The following LRMDA variants were observed in gnomAD, a reference collection of about 807,000 sequenced individuals.
LRMDA encodes leucine-rich melanocyte differentiation-associated protein.
Under a neutral mutation model 29.8 loss-of-function variants are expected in LRMDA, and 18 were observed. The observed-to-expected ratio is 0.60, with a 90% CI of 0.42 to 0.90. The LOEUF (loss-of-function observed/expected upper bound fraction) is 0.90, where lower values mean the gene tolerates loss of function less well. LRMDA is among the 40% of genes least tolerant of loss of function. The pLI is 0.00. For synonymous variants in LRMDA, 125 were observed against 109.4 expected (o/e 1.14, Z -0.89); for missense variants, 273 against 273.9 (o/e 1.00, Z 0.02).
At chr10:75,845,313 A>G (rs1229982202) in intron 2 of LRMDA, among the ~76,000 whole-genome samples, 1 of 152,158 alleles carries the variant, frequency 6.6e-6, no homozygotes, top group Non-Finnish European at 1.5e-5. Flanking sequence ...ATTAGTGAGC[A>G]TGGTTTGGCA....
At chr10:76,105,236 G>A (rs1259637228) in intron 5 of LRMDA, among the ~76,000 whole-genome samples, 1 of 152,026 alleles carries the variant, frequency 6.6e-6, no homozygotes, top group Non-Finnish European at 1.5e-5. Flanking sequence ...TTTATCATCT[G>A]TCTCTACCTG....
chr10:75,799,581 C>G (rs1036385160), intron 2 of LRMDA, among the ~76,000 whole-genome samples: 1 of 151,188 alleles, frequency 6.6e-6, no homozygotes, highest in East Asian at 1.9e-4. Context: ...GTGGTGCAAT[C>G]TCGGCTCACT....
At chr10:76,113,515 T>C (rs1004210787) in intron 5 of LRMDA, among the ~76,000 whole-genome samples, 1 of 151,542 alleles carries the variant, frequency 6.6e-6, no homozygotes, top group Non-Finnish European at 1.5e-5. Flanking sequence ...CAGAACAGAG[T>C]GTTGGTGAGA....
chr10:76,540,167 C>A (rs55725812), intron 6 of LRMDA, among the ~76,000 whole-genome samples: 59,778 of 150,942 alleles, frequency 0.4, 12,512 homozygotes, highest in African/African-American at 0.5. Flanking sequence ...CACATGCACG[C>A]AAAACATGCA....
chr10:76,363,281 AAGGAAGGAAGGAAGGAAGGG>A (rs1841350724), intron 6 of LRMDA, among the ~76,000 whole-genome samples: 2 of 142,044 alleles, frequency 1.4e-5, no homozygotes, highest in African/African-American at 5.3e-5. Flanking sequence ...GAAGGAAAGG[AAGGAAGGAAGGAAGGAAGGG>A]AGGAAGGGAG....
At chr10:76,162,049 A>G (rs754467395) in intron 5 of LRMDA, among the ~76,000 whole-genome samples, 6 of 152,198 alleles carry the variant, frequency 3.9e-5, no homozygotes, top group Admixed American at 1.3e-4. Flanking sequence ...ATTTCTGACT[A>G]TTACATGTGT....
chr10:75,822,490 G>A (rs1008476346), intron 2 of LRMDA, among the ~76,000 whole-genome samples: 4 of 151,814 alleles, frequency 2.6e-5, no homozygotes, highest in African/African-American at 9.7e-5. Flanking sequence ...ACCAAAAAAA[G>A]CCTGAATAGC....
intron 5 of LRMDA, among the ~76,000 whole-genome samples, chr10:76,249,792 A>G (rs1301429768): frequency 1.3e-5 from 2 of 152,070 alleles, no homozygotes; most frequent in Non-Finnish European, 2.9e-5. Context: ...CAAACCACAA[A>G]TTATTTATTT....
At chr10:76,222,390 C>T (rs2132259531) in intron 5 of LRMDA, among the ~76,000 whole-genome samples, 1 of 152,218 alleles carries the variant, frequency 6.6e-6, no homozygotes, top group East Asian at 1.9e-4. Context: ...GGCTAATATC[C>T]AGAGTCTACA....
chr10:76,110,237 T>G (rs998639708), intron 5 of LRMDA, among the ~76,000 whole-genome samples: 1 of 152,180 alleles, frequency 6.6e-6, no homozygotes, highest in Non-Finnish European at 1.5e-5. Flanking sequence ...CTGTTCCACA[T>G]TCTACCTGCC....
At chr10:76,121,141 G>A (rs1228736779) in intron 5 of LRMDA, among the ~76,000 whole-genome samples, 1 of 152,016 alleles carries the variant, frequency 6.6e-6, no homozygotes, top group Non-Finnish European at 1.5e-5. Flanking sequence ...GGAAATGGGA[G>A]AGACCTATCT....
At chr10:75,928,361 G>A (rs80263347) in intron 2 of LRMDA, among the ~76,000 whole-genome samples, 7,692 of 151,902 alleles carry the variant, frequency 0.051, 259 homozygotes, top group Non-Finnish European at 0.069. Context: ...GCAGGATTGC[G>A]TGATACAATT....
At chr10:75,760,633 G>A (rs1291568191) in intron 2 of LRMDA, among the ~76,000 whole-genome samples, 3 of 152,188 alleles carry the variant, frequency 2.0e-5, no homozygotes, top group Admixed American at 1.3e-4. Flanking sequence ...AGAAAGCTCA[G>A]CAAGGGCAAA....
chr10:76,115,932 C>T (rs17444839), intron 5 of LRMDA, among the ~76,000 whole-genome samples: 25,235 of 152,026 alleles, frequency 0.17, 2,319 homozygotes, highest in Admixed American at 0.24. Context: ...GGAATGGAAA[C>T]GAGGAAGAAT....
intron 2 of LRMDA, among the ~76,000 whole-genome samples, chr10:75,601,873 T>G (rs1840891149): frequency 6.6e-6 from 1 of 152,244 alleles, no homozygotes; most frequent in African/African-American, 2.4e-5. Context: ...GACTTGACCT[T>G]GCTATATCAT....
At chr10:76,512,508 G>A (rs989924110) in intron 6 of LRMDA, among the ~76,000 whole-genome samples, 1 of 152,186 alleles carries the variant, frequency 6.6e-6, no homozygotes, top group Middle Eastern at 3.4e-3. Flanking sequence ...TGATGATGAG[G>A]CAACAGAATA....
At chr10:75,734,031 G>A (rs181261681) in intron 2 of LRMDA, among the ~76,000 whole-genome samples, 102 of 152,252 alleles carry the variant, frequency 6.7e-4, no homozygotes, top group African/African-American at 1.8e-3. Context: ...TTTCTACTGC[G>A]TGGGAGACAC....
chr10:75,555,220 C>A (rs184697808), intron 2 of LRMDA, among the ~76,000 whole-genome samples: 2 of 152,084 alleles, frequency 1.3e-5, no homozygotes, highest in African/African-American at 4.8e-5. Flanking sequence ...AGGCAGCTAC[C>A]GGAAGGGGAG....
chr10:75,438,603 C>G (rs1844289526), intron 2 of LRMDA, 109 bp downstream of exon 2: 2 of 806,128 alleles, frequency 2.5e-6, no homozygotes, highest in East Asian at 5.4e-5. Context: ...ATGGGTTGTC[C>G]TTTTATTCAG....
Sources: gnomAD v4.1 joint callset for allele counts (sites outside exome capture counted in the v4.1 genomes callset) on GRCh38, gnomAD v4.1.1 for gene constraint, MANE v1.5 for transcripts, NCBI Gene and HGNC (gene_info 2026-07-23, HGNC 2026-07-21) for gene names.